GBP7: variants seen among roughly 807,000 people sequenced by gnomAD.
The protein encoded by GBP7 is guanylate binding protein 7.
In GBP7, 43 loss-of-function variants were observed where a neutral mutation model predicts 61.3. The observed-to-expected ratio is 0.70, with a 90% CI of 0.55 to 0.91. The LOEUF (loss-of-function observed/expected upper bound fraction) is 0.91. GBP7 is among the 40% of genes least tolerant of loss of function. The probability of loss-of-function intolerance (pLI) is 0.00; values close to 1 mark genes in which losing one functional copy is unlikely to be tolerated. For synonymous variants in GBP7, 267 were observed against 271.0 expected (o/e 0.99, Z 0.14); for missense variants, 717 against 740.5 (o/e 0.97, Z 0.37).
chr1:89,144,512 C>A (rs763197417), intron 8 of GBP7, among the ~76,000 whole-genome samples: 1 of 152,148 alleles, frequency 6.6e-6, no homozygotes, highest in Non-Finnish European at 1.5e-5. Flanking sequence ...AGTGTATAAG[C>A]GTTCCCTTTT....
intron 3 of GBP7, among the ~76,000 whole-genome samples, chr1:89,156,668 A>G (rs1294149261): frequency 3.9e-5 from 6 of 152,250 alleles, no homozygotes; most frequent in Middle Eastern, 3.2e-3. Context: ...TATCCTAAAT[A>G]TATATGCACC....
Position 89,150,557 on chromosome 1 carries a change from T to C in GBP7, c.644A>G (p.Gln215Arg), listed in dbSNP as rs780028528. Residue 215 changes from glutamine (Q) to arginine (R), a missense_variant, in exon 6 of 11, where the codon CAA becomes CGA. Around this residue, in one of 3 missense-constraint regions of GBP7, gnomAD observed 387 missense variants for 385.2 expected, o/e 1.00. Coordinates refer to ENST00000294671, the MANE Select transcript of GBP7 (RefSeq NM_207398.3). ...KLISGKNPQI[Q>R]NSNKPREWIR... The stretch of plus-strand genomic sequence containing the variant: ...CCACTCCCTGGGCTTGTTAGAATTT[T>C]GGATTTGGGGATTCTTGCCTGCAGA... 42 of 1,613,842 alleles carry C rather than the reference T, an allele frequency of 2.6e-5. 1 individual carries two copies. The Middle Eastern group carries it at 4.9e-4, about 19-fold the overall frequency.
chr1:89,150,648 T>A, intron 5 of GBP7, 73 bp from the exon 6 acceptor site: 1 of 1,491,034 alleles, frequency 6.7e-7, no homozygotes, highest in South Asian at 1.2e-5. Context: ...ATTTCCAAAG[T>A]TCCTTCCATC....
At chr1:89,145,521 T>C (rs1055502683) in intron 8 of GBP7, among the ~76,000 whole-genome samples, 1 of 152,182 alleles carries the variant, frequency 6.6e-6, no homozygotes, top group East Asian at 1.9e-4. Context: ...CAAATTATGC[T>C]GCAATGAACA....
At position 89,149,586 on chromosome 1, in the gene GBP7, G is replaced by A. The variant is rs547052794; in HGVS notation, c.872-14C>T. On this transcript the variant is annotated splice_polypyrimidine_tract_variant and intron_variant, in intron 6 of 10. Coordinates refer to ENST00000294671, the MANE Select transcript of GBP7 (RefSeq NM_207398.3). ...GCATCCCCAGCCCTGAATGATTTAGGAAATTTAGGGAATAGATAGAAAGTT... is the reference window on the plus strand; with the variant it reads ...GCATCCCCAGCCCTGAATGATTTAGAAAATTTAGGGAATAGATAGAAAGTT... 8 of 1,593,362 alleles carry A rather than the reference G, an allele frequency of 5.0e-6. No homozygotes were observed. In the East Asian group the frequency reaches 9.0e-5, roughly 18 times the overall value.
Position 89,149,349 on chromosome 1 carries a change from T to C in GBP7, c.1095A>G (p.Ala365=). The C allele has an allele frequency of 6.2e-7, 1 of 1,614,140 alleles. No individual in the cohort carries two copies. The highest frequency in any genetic ancestry group is 2.2e-5 in the East Asian group (1 of 44,884). ...CTTTGAAGGAGTACTCCATGAAGACTGCAATGGCTTCCCTCTCACAAACTG... is the reference window on the plus strand; with the variant it reads ...CTTTGAAGGAGTACTCCATGAAGACCGCAATGGCTTCCCTCTCACAAACTG... The part of the protein sequence containing the change: ...VHAVCEREAI[A]VFMEYSFKDK... The change falls in exon 7 of 11, where the codon GCA becomes GCG. Residue 365 remains alanine, a synonymous_variant. Coordinates refer to ENST00000294671, the MANE Select transcript of GBP7 (RefSeq NM_207398.3).
At chr1:89,140,607 A>G (rs964993680) in intron 9 of GBP7, among the ~76,000 whole-genome samples, 3 of 152,218 alleles carry the variant, frequency 2.0e-5, no homozygotes, top group South Asian at 2.1e-4. Flanking sequence ...GTGGGCTTGT[A>G]AATTAGTTCA....
intron 9 of GBP7, among the ~76,000 whole-genome samples, chr1:89,139,895 A>G (rs983997239): frequency 5.9e-5 from 9 of 152,114 alleles, no homozygotes; most frequent in African/African-American, 2.2e-4. Context: ...GATTCCTCAG[A>G]GATCTAGAAC....
intron 9 of GBP7, among the ~76,000 whole-genome samples, chr1:89,139,683 G>A (rs544309195): frequency 2.0e-5 from 3 of 152,200 alleles, no homozygotes; most frequent in East Asian, 1.9e-4. Flanking sequence ...CAAACAACAC[G>A]TGAAAAAATG....
chr1:89,170,325 C>T (rs1257652245), intron 2 of GBP7, among the ~76,000 whole-genome samples: 1 of 152,168 alleles, frequency 6.6e-6, no homozygotes, highest in Non-Finnish European at 1.5e-5. Flanking sequence ...TACCTGTTAC[C>T]TGTCTGACTT....
chr1:89,152,808 G>C, intron 3 of GBP7, 31 bp from the exon 4 acceptor site: 1 of 1,406,720 alleles, frequency 7.1e-7, no homozygotes, highest in Non-Finnish European at 9.9e-7. Flanking sequence ...AAAAAAAATG[G>C]AAGCCACAGT....
At chr1:89,147,455 A>G in intron 8 of GBP7, 112 bp downstream of exon 8, 1 of 774,282 alleles carries the variant, frequency 1.3e-6, no homozygotes, top group East Asian at 2.5e-5. Flanking sequence ...AGGTATTGCC[A>G]TGCTTCAATT....
chr1:89,156,482 A>T (rs1682317862), intron 3 of GBP7, among the ~76,000 whole-genome samples: 1 of 152,246 alleles, frequency 6.6e-6, no homozygotes, highest in Non-Finnish European at 1.5e-5. Flanking sequence ...AGACACACAT[A>T]GTCTCAAGAT....
rs1682098613 is a variant in GBP7, at chr1:89,147,613, T to C, written c.1319A>G (p.Lys440Arg). Residue 440 changes from lysine (K) to arginine (R), a missense_variant, in exon 8 of 11, where the codon AAG becomes AGG. Lys to Arg is a conservative substitution (Grantham distance 26). Transcript: ENST00000294671. ...TAGTGTATAGTCCTGTTCAATCTTC[T>C]TTTTTGCTTCTAAGTAGATATTGTG... is the stretch of plus-strand genomic sequence containing the variant. ...GGHNIYLEAK[K>R]KIEQDYTLVP... is the part of the protein sequence containing the mutation. The C allele has an allele frequency of 6.2e-7, 1 of 1,614,106 alleles. No homozygotes were observed.
At chr1:89,173,123 T>C (rs1273144803) in intron 1 of GBP7, among the ~76,000 whole-genome samples, 3 of 152,118 alleles carry the variant, frequency 2.0e-5, no homozygotes, top group African/African-American at 7.2e-5. Context: ...CAACGTATTC[T>C]AGAAAAAATA....
At chr1:89,151,085 T>G (rs1016627370) in intron 5 of GBP7, among the ~76,000 whole-genome samples, 3 of 152,184 alleles carry the variant, frequency 2.0e-5, no homozygotes, top group Non-Finnish European at 4.4e-5. Flanking sequence ...ATCTAATCTC[T>G]GTAAATTTTA....
At position 89,133,312 on chromosome 1, in the gene GBP7, C is replaced by T. The variant is rs1474178458; in HGVS notation, c.1608G>A (p.Arg536=). 3 of 1,613,878 alleles carry T rather than the reference C, an allele frequency of 1.9e-6. No homozygotes were observed. The highest frequency in any genetic ancestry group is 2.5e-6 in the Non-Finnish European group (3 of 1,179,972). The change falls in exon 10 of 11, where the codon AGG becomes AGA. Residue 536 remains arginine, a synonymous_variant. Transcript: ENST00000294671. ...GTTCTCTCATATAGTTTTCCCTTTCCCTCTCCATCTTCTTCTTGAGTTGAG... is the reference window on the plus strand; with the variant it reads ...GTTCTCTCATATAGTTTTCCCTTTCTCTCTCCATCTTCTTCTTGAGTTGAG... The part of the protein sequence containing the change: ...NIAQLKKKME[R]ERENYMRELR...
At chr1:89,165,600 G>C (rs1011021864) in intron 2 of GBP7, among the ~76,000 whole-genome samples, 5 of 152,048 alleles carry the variant, frequency 3.3e-5, no homozygotes, top group African/African-American at 1.2e-4. Context: ...CTTGAGGGAT[G>C]AGTTCATGTC....
chr1:89,147,513 GA>G, intron 8 of GBP7, 53 bp downstream of exon 8: 1 of 1,407,872 alleles, frequency 7.1e-7, no homozygotes, highest in South Asian at 1.2e-5. Context: ...AAGAGGCAAC[GA>G]AGACCCTCTG....
Sources: gnomAD v4.1 joint callset for allele counts (sites outside exome capture counted in the v4.1 genomes callset) on GRCh38, gnomAD v4.1.1 for gene constraint, gnomAD v4.1.1 regional missense constraint, MANE v1.5 for transcripts, NCBI Gene and HGNC (gene_info 2026-07-23, HGNC 2026-07-21) for gene names.